The following DCDC2C variants were observed in gnomAD, a reference collection of about 807,000 sequenced individuals.
The protein encoded by DCDC2C is doublecortin domain-containing protein 2C.
A neutral mutation model predicts 45.0 loss-of-function variants in DCDC2C; 44 were observed. The ratio of observed to expected loss-of-function variants is 0.98; its 90% CI spans 0.77 to 1.26. The LOEUF (loss-of-function observed/expected upper bound fraction) is 1.26. Ranked by LOEUF, DCDC2C falls within the 50% of genes most tolerant of loss-of-function variation. The pLI is 0.00. For synonymous variants in DCDC2C, 187 were observed against 178.8 expected, an observed-to-expected ratio of 1.05 and a Z score of -0.37; for missense variants, 447 against 468.9, an observed-to-expected ratio of 0.95 and a Z score of 0.43.
intron 10 of DCDC2C, among the ~76,000 whole-genome samples, chr2:3,843,061 A>G (rs1335284656): frequency 1.3e-5 from 2 of 152,228 alleles, no homozygotes; most frequent in Non-Finnish European, 2.9e-5. Context: ...AGGTAATGCT[A>G]AAGCAGGGAG....
rs184663777 is a variant in DCDC2C at position 3,819,899 on chromosome 2, G to T, written c.1066-27255G>T. On this transcript the variant is annotated intron_variant, in intron 10 of 10. Coordinates refer to ENST00000399143, the MANE Select transcript of DCDC2C (RefSeq NM_001287444.2). ...GGTGTGAGAAGGGGAGGTGATAGAA[G>T]GATTATAGGGTGGGGGAGCAGAGGC... 3.3e-4 allele frequency among the ~76,000 whole-genome samples: 51 copies of T among 152,292 alleles called. No homozygotes were observed. In the East Asian group the frequency reaches 8.1e-3, roughly 24 times the overall value.
chr2:3,806,501 T>G (rs193026316), intron 10 of DCDC2C, among the ~76,000 whole-genome samples: 1 of 151,906 alleles, frequency 6.6e-6, no homozygotes. Context: ...ATTGACAAAG[T>G]GCATGAGCTT....
intron 4 of DCDC2C, 83 bp downstream of exon 4, chr2:3,742,131 GC>G: frequency 7.1e-7 from 1 of 1,404,060 alleles, no homozygotes; most frequent in Non-Finnish European, 9.4e-7. Context: ...GCCTGGACCA[GC>G]AAGGTCTAAA....
chr2:3,782,604 G>A (rs549260439), intron 9 of DCDC2C, among the ~76,000 whole-genome samples: 5 of 122,978 alleles, frequency 4.1e-5, no homozygotes, highest in African/African-American at 1.0e-4. Flanking sequence ...TCAGCCTCCC[G>A]AGTAGCTGGG....
chr2:3,728,261 C>T (rs904893700), intron 3 of DCDC2C, among the ~76,000 whole-genome samples: 2 of 152,232 alleles, frequency 1.3e-5, no homozygotes, highest in African/African-American at 4.8e-5. Flanking sequence ...TTGCGCTTTT[C>T]CTGAAAATCT....
chr2:3,806,028 G>A (rs1276520628), intron 10 of DCDC2C, among the ~76,000 whole-genome samples: 1 of 152,074 alleles, frequency 6.6e-6, no homozygotes, highest in African/African-American at 2.4e-5. Flanking sequence ...TAGGGATTAG[G>A]TCTTGCTGCA....
At chr2:3,730,425 C>A (rs1474142843) in intron 3 of DCDC2C, among the ~76,000 whole-genome samples, 2 of 152,206 alleles carry the variant, frequency 1.3e-5, no homozygotes, top group African/African-American at 4.8e-5. Context: ...CGGATTGCCA[C>A]TGCTACAGTT....
At chr2:3,826,754 C>T (rs978731326) in intron 10 of DCDC2C, among the ~76,000 whole-genome samples, 6 of 152,032 alleles carry the variant, frequency 3.9e-5, no homozygotes, top group African/African-American at 2.4e-5. Flanking sequence ...ATTTAGTCCC[C>T]CAAATAAAGC....
At position 3,828,117 on chromosome 2, in the gene DCDC2C, A is replaced by C. The variant is rs551122136; in HGVS notation, c.1066-19037A>C. ...CAGTTTATAAAACATACATGGAACCATCTGCCATAATAATTTAAAAATATG... is the reference window on the plus strand; with the variant it reads ...CAGTTTATAAAACATACATGGAACCCTCTGCCATAATAATTTAAAAATATG... On this transcript the variant is annotated intron_variant, in intron 10 of 10. Transcript: ENST00000399143. Among the ~76,000 whole-genome samples the C allele has an allele frequency of 3.2e-4, 48 of 152,376 alleles. No individual in the cohort carries two copies. In the South Asian group the frequency reaches 9.3e-3, roughly 30 times the overall value.
chr2:3,844,307 C>T (rs1672277160), intron 10 of DCDC2C: 2 of 153,416 alleles, frequency 1.3e-5, no homozygotes, highest in Non-Finnish European at 2.9e-5. Flanking sequence ...ATGCCTGGGA[C>T]AGCCACACCC....
chr2:3,752,695 C>A, intron 4 of DCDC2C, 68 bp from the exon 5 acceptor site: 2 of 1,524,326 alleles, frequency 1.3e-6, no homozygotes, highest in Non-Finnish European at 1.8e-6. Context: ...AGTGTATGCA[C>A]AAATACCCCA....
At chr2:3,844,163 G>A (rs1672274154) in intron 10 of DCDC2C, 1 of 152,180 alleles carries the variant, frequency 6.6e-6, no homozygotes, top group African/African-American at 2.4e-5. Context: ...ACCACCGATG[G>A]GACAATCACA....
intron 6 of DCDC2C, among the ~76,000 whole-genome samples, chr2:3,759,943 T>C (rs776669134): frequency 6.6e-6 from 1 of 152,218 alleles, no homozygotes; most frequent in Non-Finnish European, 1.5e-5. Context: ...AAGGCAAAGC[T>C]GTAGTGTTTT....
chr2:3,726,449 G>A (rs999263452), intron 2 of DCDC2C, among the ~76,000 whole-genome samples: 10 of 152,130 alleles, frequency 6.6e-5, no homozygotes, highest in Admixed American at 2.0e-4. Context: ...ATCTGCAGTG[G>A]ACCTGAGACT....
Position 3,703,652 on chromosome 2 carries a change from T to A in DCDC2C, c.-100T>A. ...CCTGCGCCAGCGGCTGGAGCGGACC[T>A]CCCGTCGGCGGTGCCCGGGCCTGGG... is the stretch of plus-strand genomic sequence containing the variant. On this transcript the variant is annotated 5_prime_UTR_variant, in exon 1 of 11. Coordinates refer to ENST00000399143, the MANE Select transcript of DCDC2C (RefSeq NM_001287444.2). The surrounding 1 kb of genome is among the most constrained non-coding windows in gnomAD (Gnocchi z 4.4). 5 of 1,133,988 alleles carry A rather than the reference T, an allele frequency of 4.4e-6. No individual in the cohort carries two copies. Among genetic ancestry groups the A allele is most frequent in the Non-Finnish European group, 5.5e-6 (5 of 905,644 alleles). The allele number at this position is 1,133,988 out of a possible 1,614,324, so 70.2% of individuals were successfully genotyped here. A position where few individuals can be genotyped will look rare whatever the true frequency, so the allele number is the denominator to read the frequency against.
chr2:3,742,100 T>G, intron 4 of DCDC2C, 52 bp downstream of exon 4: 6 of 1,474,004 alleles, frequency 4.1e-6, no homozygotes, highest in Non-Finnish European at 5.4e-6. Flanking sequence ...CTTGTGTTTA[T>G]TCTTTCTATG....
intron 10 of DCDC2C, among the ~76,000 whole-genome samples, chr2:3,813,732 C>CTTTTTTTTT (rs3067128): frequency 3.1e-4 from 31 of 99,140 alleles, no homozygotes; most frequent in African/African-American, 8.7e-4. Flanking sequence ...GCAACCCCTG[C>CTTTTTTTTT]TTTTTTTTTT....
At chr2:3,782,734 C>G (rs962302317) in intron 9 of DCDC2C, among the ~76,000 whole-genome samples, 3 of 152,204 alleles carry the variant, frequency 2.0e-5, no homozygotes, top group African/African-American at 7.2e-5. Context: ...CCACGTTGGC[C>G]TCCCAAAGTG....
chr2:3,728,400 G>T (rs113400579), intron 3 of DCDC2C, among the ~76,000 whole-genome samples: 2,998 of 152,264 alleles, frequency 0.02, 89 homozygotes, highest in African/African-American at 0.068. Context: ...TCTGAATTTT[G>T]TTAGTGATGT....
Sources: gnomAD v4.1 joint callset for allele counts (sites outside exome capture counted in the v4.1 genomes callset) on GRCh38, gnomAD v4.1.1 for gene constraint, Gnocchi (gnomAD v3.1) non-coding constraint, MANE v1.5 for transcripts, NCBI Gene and HGNC (gene_info 2026-07-23, HGNC 2026-07-21) for gene names.